Variants in PCNX3 observed in about 807,000 individuals in gnomAD.
PCNX3 encodes pecanex 3.
PCNX3 carries 58 observed loss-of-function variants against 207.2 expected under a neutral mutation model. That is an observed-to-expected ratio of 0.28 (90% confidence interval 0.23 to 0.35). PCNX3 has a LOEUF of 0.35. Ranked by LOEUF, PCNX3 falls within the 10% of genes least tolerant of loss-of-function variation. The pLI, the probability that PCNX3 is intolerant of heterozygous loss-of-function variation, is 1.00. For missense variants in PCNX3, 2,410 were observed against 2,774.4 expected (o/e 0.87, Z 2.95); for synonymous variants, 1,337 against 1,183.5 (o/e 1.13, Z -2.66).
At chr11:65,626,794 C>T (rs920680911) in intron 20 of PCNX3, 110 bp from the exon 21 acceptor site, 18 of 1,488,210 alleles carry the variant, frequency 1.2e-5, no homozygotes, top group Admixed American at 4.2e-5. Context: ...CCCCTCCCCC[C>T]AGGGTCTCCG....
At chr11:65,624,029 A>G in intron 13 of PCNX3, 68 bp downstream of exon 13, 1 of 1,599,860 alleles carries the variant, frequency 6.3e-7, no homozygotes, top group African/African-American at 1.3e-5. Context: ...GGTGGGGAGG[A>G]GGGTAGGGTA....
rs549121230 is a variant in PCNX3, at chr11:65,627,311, G to A, written c.3525-94G>A. ...CAGCCCAGCAGAGCAGAGGCCAGGG[G>A]TTGCTCTCCGGCCAGAGTAGGCGAG... On this transcript the variant is annotated intron_variant, in intron 21 of 34. Transcript: ENST00000355703. The A allele has an allele frequency of 5.1e-6, 7 of 1,362,232 alleles. No homozygotes were observed. The Admixed American group carries it at 1.1e-4, about 22-fold the overall frequency. The allele number at this position is 1,362,232 out of a possible 1,614,324, so 84.4% of individuals were successfully genotyped here. A position where few individuals can be genotyped will look rare whatever the true frequency, so the allele number is the denominator to read the frequency against.
intron 9 of PCNX3, among the ~76,000 whole-genome samples, 175 bp from the exon 10 acceptor site, chr11:65,620,656 C>T (rs776666818): frequency 3.1e-4 from 47 of 152,206 alleles, no homozygotes; most frequent in Middle Eastern, 6.3e-3. Context: ...CCTCGACACT[C>T]GTGCCAGGGT....
Position 65,626,041 on chromosome 11 carries a change from G to A in PCNX3, c.3366G>A (p.Gln1122=). 6.2e-7 allele frequency: 1 copy of A among 1,608,440 alleles called. No individual in the cohort carries two copies. ...TGCTGAAGCCGCTGGAGTACAGCCA[G>A]TATGAAGTGCGCGGTGAGTGCCCAC... ...QPVLKPLEYS[Q]YEVRGAAQVM... The change falls in exon 20 of 35, where the codon CAG becomes CAA. Residue 1122 remains glutamine (Q), a synonymous_variant. Transcript: ENST00000355703.
Position 65,634,546 on chromosome 11 carries a change from C to A in PCNX3, c.4710C>A (p.Asp1570Glu), listed in dbSNP as rs199674449. ...YCASRRSQPV[D>E]QDWNSPLVTL... ...GGGTCCTTATGCCACAGCCCGTGGA[C>A]CAGGATTGGAACTCCCCGCTGGTCA... The change falls in exon 29 of 35, where the codon GAC (aspartate) becomes GAA (glutamate). Residue 1570 changes from aspartate (D) to glutamate (E), a missense_variant. Asp to Glu is a conservative substitution (Grantham distance 45). Around this residue, in one of 8 missense-constraint regions of PCNX3, gnomAD observed 420 missense variants for 705.3 expected, o/e 0.60. Coordinates refer to ENST00000355703, the MANE Select transcript of PCNX3 (RefSeq NM_032223.4). 1.3e-5 allele frequency: 21 copies of A among 1,596,222 alleles called. No homozygotes were observed. Among genetic ancestry groups the A allele is most frequent in the South Asian group, 4.5e-5 (4 of 88,274 alleles).
In PCNX3 at chr11:65,626,837, G is replaced by A. The variant is rs549006434; in HGVS notation, c.3380-67G>A. On this transcript the variant is annotated intron_variant, in intron 20 of 34. Transcript: ENST00000355703. ...AGGACCGCACAGCCTGCCCTCCTAG[G>A]GAAGGACTTCCTCAGGGAAGGCAGG... 19 of 1,550,558 alleles carry A rather than the reference G, an allele frequency of 1.2e-5. No homozygotes were observed. In the East Asian group the frequency reaches 3.6e-4, roughly 30 times the overall value.
In PCNX3 at chr11:65,636,407, C is replaced by T. The variant is rs371111680; in HGVS notation, c.5610C>T (p.Pro1870=). The change falls in exon 34 of 35, where the codon CCC becomes CCT. Residue 1870 remains proline, a synonymous_variant. Transcript: ENST00000355703. ...PENTAGNGDQ[P]LPPGPGWGPR... ...CTCCTACAGGCAATGGTGACCAACCCCTCCCACCAGGCCCTGGCTGGGGGC... is the reference window on the plus strand; with the variant it reads ...CTCCTACAGGCAATGGTGACCAACCTCTCCCACCAGGCCCTGGCTGGGGGC... 5.8e-5 allele frequency: 90 copies of T among 1,557,350 alleles called. No homozygotes were observed. The highest frequency in any genetic ancestry group is 4.3e-5 in the Non-Finnish European group (49 of 1,152,102).
rs566082015 is a variant in PCNX3 at position 65,625,500 on chromosome 11, G to A, written c.3125G>A (p.Arg1042His). 12 of 1,471,220 alleles carry A rather than the reference G, an allele frequency of 8.2e-6. No individual in the cohort carries two copies. Among genetic ancestry groups the A allele is most frequent in the East Asian group, 3.2e-5 (1 of 31,568 alleles). The allele number at this position is 1,471,220 out of a possible 1,614,324, so 91.1% of individuals were successfully genotyped here. A position where few individuals can be genotyped will look rare whatever the true frequency, so the allele number is the denominator to read the frequency against. ...CCGGACCCCTTGCCGGACAAGATGC[G>A]CCAGTCGGTGGTGAGGGGGCGGGGG... ...EPPDPLPDKMRQSVREVLHSD... is the reference protein window; with the variant it reads ...EPPDPLPDKMHQSVREVLHSD... The change falls in exon 18 of 35, where the codon CGC becomes CAC. Residue 1042 changes from arginine (R) to histidine (H), a missense_variant. By Grantham distance (29) the Arg-to-His change is conservative. This residue lies in a region of PCNX3 where 333 missense variants were observed against 386.8 expected (regional missense o/e 0.86). Coordinates refer to ENST00000355703, the MANE Select transcript of PCNX3 (RefSeq NM_032223.4). This position sits in a 1 kb window ranked among gnomAD's most constrained non-coding sequence, Gnocchi z 5.6.
chr11:65,617,906 T>A (rs772576812), intron 5 of PCNX3, 34 bp from the exon 6 acceptor site: 52 of 1,544,156 alleles, frequency 3.4e-5, no homozygotes, highest in Non-Finnish European at 4.3e-5. Flanking sequence ...CAGAAAACCC[T>A]TTTTTCATTT....
chr11:65,630,013 C>T (rs1437192845), intron 26 of PCNX3, among the ~76,000 whole-genome samples: 1 of 152,250 alleles, frequency 6.6e-6, no homozygotes, highest in Non-Finnish European at 1.5e-5. Flanking sequence ...TGAGTTCTCA[C>T]ACCCAGCCTG....
At chr11:65,627,785 C>T (rs1855464589) in intron 22 of PCNX3, among the ~76,000 whole-genome samples, 1 of 152,136 alleles carries the variant, frequency 6.6e-6, no homozygotes. Context: ...GAGGGACTTG[C>T]CTCAGGCTTC....
In PCNX3 at chr11:65,637,292, C is replaced by G. The variant is rs569728278; in HGVS notation, c.*314C>G. 30 of 392,344 alleles carry G rather than the reference C, an allele frequency of 7.6e-5. No individual in the cohort carries two copies. Among genetic ancestry groups the G allele is most frequent in the African/African-American group, 4.6e-4 (23 of 49,908 alleles). 24.3% of individuals were successfully genotyped at this position (392,344 alleles called of 1,614,324 possible). A position where few individuals can be genotyped will look rare whatever the true frequency, so the allele number is the denominator to read the frequency against. On this transcript the variant is annotated 3_prime_UTR_variant, in exon 35 of 35. Transcript: ENST00000355703. Reference sequence around the variant, plus strand: ...GACCACCTCAGCCCCTGGGCCTGCACTGCCTGCAGGTGTGGCCCCCTTGGC... The same window carrying G: ...GACCACCTCAGCCCCTGGGCCTGCAGTGCCTGCAGGTGTGGCCCCCTTGGC...
At chr11:65,619,408 C>G in intron 6 of PCNX3, 129 bp from the exon 7 acceptor site, 1 of 1,456,152 alleles carries the variant, frequency 6.9e-7, no homozygotes. Context: ...TGTGACCTGG[C>G]TGGGCCTCAG....
Position 65,625,426 on chromosome 11 carries a change from G to A in PCNX3, c.3051G>A (p.Leu1017=), listed in dbSNP as rs957456055. 3 of 1,605,164 alleles carry A rather than the reference G, an allele frequency of 1.9e-6. No homozygotes were observed. The highest frequency in any genetic ancestry group is 2.5e-6 in the Non-Finnish European group (3 of 1,179,028). ...TVLWSLIRSK[L]FPELEERSLE... ...CCAGGTCTCTGATCCGGAGCAAGCT[G>A]TTCCCTGAGCTGGAGGAGCGCAGCT... Residue 1017 remains leucine (L), a synonymous_variant, in exon 18 of 35, where the codon CTG becomes CTA. Transcript: ENST00000355703. This position sits in a 1 kb window ranked among gnomAD's most constrained non-coding sequence, Gnocchi z 5.6.
chr11:65,621,084 G>A (rs1855069039), intron 10 of PCNX3, 118 bp downstream of exon 10: 6 of 1,329,936 alleles, frequency 4.5e-6, no homozygotes, highest in South Asian at 1.5e-5. Flanking sequence ...GCAGTGCTGA[G>A]TGAGCGCTCC....
chr11:65,628,848 C>G lies in PCNX3; in HGVS notation c.3841C>G (p.Leu1281Val), dbSNP rs755325685. 6.2e-7 allele frequency: 1 copy of G among 1,612,350 alleles called. No individual in the cohort carries two copies. The highest frequency in any genetic ancestry group is 2.2e-5 in the East Asian group (1 of 44,876). ...HSAMLFVQAL[L>V]SGLFSTPLNP... Reference sequence around the variant, plus strand: ...GGCCATGCTGTTCGTCCAGGCCCTGCTCTCGGGGCTCTTCTCCACGCCTCT... The same window carrying G: ...GGCCATGCTGTTCGTCCAGGCCCTGGTCTCGGGGCTCTTCTCCACGCCTCT... Residue 1281 changes from leucine to valine, a missense_variant, in exon 24 of 35, where the codon CTC (leucine) becomes GTC (valine). Physicochemically the swap from Leu to Val is conservative, Grantham distance 32. This residue lies in a region of PCNX3 where 420 missense variants were observed against 705.3 expected (regional missense o/e 0.60). Coordinates refer to ENST00000355703, the MANE Select transcript of PCNX3 (RefSeq NM_032223.4).
chr11:65,629,252 G>T, intron 24 of PCNX3, 105 bp from the exon 25 acceptor site: 2 of 1,219,668 alleles, frequency 1.6e-6, no homozygotes, highest in East Asian at 2.5e-5. Flanking sequence ...GCATAACGGG[G>T]CTGTCCTGGA....
intron 27 of PCNX3, among the ~76,000 whole-genome samples, chr11:65,632,169 G>A (rs1287728208): frequency 1.3e-5 from 2 of 152,162 alleles, no homozygotes; most frequent in African/African-American, 4.8e-5. Context: ...TGGGGAAGCT[G>A]ACTGGCCACA....
intron 10 of PCNX3, 133 bp downstream of exon 10, chr11:65,621,099 GC>G: frequency 8.3e-7 from 1 of 1,197,926 alleles, no homozygotes; most frequent in Non-Finnish European, 1.1e-6. Context: ...CGCTCCAGGG[GC>G]CCTACTGTGT....
Sources: gnomAD v4.1 joint callset for allele counts (sites outside exome capture counted in the v4.1 genomes callset) on GRCh38, gnomAD v4.1.1 for gene constraint, gnomAD v4.1.1 regional missense constraint, Gnocchi (gnomAD v3.1) non-coding constraint, MANE v1.5 for transcripts, NCBI Gene and HGNC (gene_info 2026-07-23, HGNC 2026-07-21) for gene names.